NALF1: variants seen among roughly 807,000 people sequenced by gnomAD.
NALF1 encodes family with sequence similarity 155 member A.
In NALF1, 3 loss-of-function variants were observed where a neutral mutation model predicts 48.4. The ratio of observed to expected loss-of-function variants is 0.06; its 90% CI spans 0.03 to 0.16. The LOEUF (loss-of-function observed/expected upper bound fraction) is 0.16. Ranked by LOEUF, NALF1 falls within the 10% of genes least tolerant of loss-of-function variation. The probability of loss-of-function intolerance (pLI) is 1.00; values close to 1 mark genes in which losing one functional copy is unlikely to be tolerated. For missense variants in NALF1, 526 were observed against 571.5 expected, an observed-to-expected ratio of 0.92 and a Z score of 0.81; for synonymous variants, 262 against 245.7, an observed-to-expected ratio of 1.07 and a Z score of -0.62.
chr13:107,424,296 C>G (rs1323809122), intron 1 of NALF1, among the ~76,000 whole-genome samples: 1 of 152,126 alleles, frequency 6.6e-6, no homozygotes, highest in Non-Finnish European at 1.5e-5. Context: ...CACCACCATG[C>G]CTGGCTAATC....
chr13:107,565,051 A>AG (rs1877755922), intron 1 of NALF1, among the ~76,000 whole-genome samples: 1 of 92,290 alleles, frequency 1.1e-5, no homozygotes. Flanking sequence ...GTAGGAAACA[A>AG]GGGGTGATAT....
At chr13:107,732,817 T>C (rs1876350611) in intron 1 of NALF1, among the ~76,000 whole-genome samples, 1 of 152,172 alleles carries the variant, frequency 6.6e-6, no homozygotes, top group Non-Finnish European at 1.5e-5. Context: ...ACATAATATA[T>C]GCAACAGGTC....
intron 1 of NALF1, among the ~76,000 whole-genome samples, chr13:107,418,135 T>A (rs1884124832): frequency 6.6e-6 from 1 of 152,206 alleles, no homozygotes; most frequent in African/African-American, 2.4e-5. Flanking sequence ...TGGTACTATT[T>A]GTTCTCTACG....
chr13:107,813,658 C>A (rs895604855), intron 1 of NALF1, among the ~76,000 whole-genome samples: 5 of 148,130 alleles, frequency 3.4e-5, no homozygotes, highest in African/African-American at 2.5e-5. Context: ...TAGCAAAGTG[C>A]ATAAAGAAGA....
intron 1 of NALF1, among the ~76,000 whole-genome samples, chr13:107,715,101 A>G (rs551177868): frequency 6.6e-6 from 1 of 152,324 alleles, no homozygotes; most frequent in East Asian, 1.9e-4. Context: ...ACATCAGGAT[A>G]ATCGGCATTT....
At chr13:107,637,841 G>A (rs938225715) in intron 1 of NALF1, among the ~76,000 whole-genome samples, 1 of 152,032 alleles carries the variant, frequency 6.6e-6, no homozygotes, top group Admixed American at 6.6e-5. Context: ...TGTTACATGG[G>A]ATCCAAAGGA....
chr13:107,495,162 A>G (rs1875287420), intron 1 of NALF1, among the ~76,000 whole-genome samples: 2 of 152,354 alleles, frequency 1.3e-5, no homozygotes, highest in South Asian at 4.1e-4. Flanking sequence ...TTTGAACAAA[A>G]GGGAAAATTT....
At chr13:107,346,204 T>C (rs760308451) in intron 1 of NALF1, among the ~76,000 whole-genome samples, 44 of 152,196 alleles carry the variant, frequency 2.9e-4, no homozygotes, top group South Asian at 8.3e-4. Flanking sequence ...ATAGCTATTA[T>C]GGAAAACAGC....
intron 1 of NALF1, among the ~76,000 whole-genome samples, chr13:107,802,160 T>A (rs963062709): frequency 2.0e-5 from 3 of 152,180 alleles, no homozygotes; most frequent in Non-Finnish European, 4.4e-5. Context: ...TAAACCATCA[T>A]TTGTTTGTGT....
intron 1 of NALF1, among the ~76,000 whole-genome samples, chr13:107,757,070 A>G (rs1220809220): frequency 6.6e-6 from 1 of 152,256 alleles, no homozygotes; most frequent in Admixed American, 6.5e-5. Context: ...TTGTGTTAAC[A>G]CATACAAACC....
At chr13:107,751,198 G>C (rs939610424) in intron 1 of NALF1, among the ~76,000 whole-genome samples, 1 of 152,102 alleles carries the variant, frequency 6.6e-6, no homozygotes, top group African/African-American at 2.4e-5. Context: ...TTTTGGAGTG[G>C]GTAAATTATC....
At chr13:107,354,568 C>T (rs756179127) in intron 1 of NALF1, among the ~76,000 whole-genome samples, 2 of 152,074 alleles carry the variant, frequency 1.3e-5, no homozygotes, top group Non-Finnish European at 2.9e-5. Flanking sequence ...GGTCCGCCCC[C>T]GAACAATAGG....
chr13:107,821,968 C>T (rs73587784), intron 1 of NALF1, among the ~76,000 whole-genome samples: 4,048 of 151,368 alleles, frequency 0.027, 221 homozygotes, highest in African/African-American at 0.095. Flanking sequence ...AAAATTACAA[C>T]AGATGTGGAC....
intron 1 of NALF1, among the ~76,000 whole-genome samples, chr13:107,604,982 G>A (rs1404289681): frequency 6.6e-6 from 1 of 152,128 alleles, no homozygotes; most frequent in African/African-American, 2.4e-5. Flanking sequence ...TTACAAGAAA[G>A]TATACTCCAA....
intron 1 of NALF1, among the ~76,000 whole-genome samples, chr13:107,381,266 T>C (rs1177197602): frequency 1.3e-5 from 2 of 150,470 alleles, no homozygotes; most frequent in South Asian, 2.1e-4. Context: ...AGTGGCATGG[T>C]CATAGCTCAC....
intron 1 of NALF1, among the ~76,000 whole-genome samples, chr13:107,244,447 T>A (rs1880538604): frequency 6.6e-6 from 1 of 152,244 alleles, no homozygotes; most frequent in African/African-American, 2.4e-5. Flanking sequence ...TGTTTTCGTC[T>A]GAAAGACAAG....
intron 1 of NALF1, among the ~76,000 whole-genome samples, chr13:107,673,110 A>AT (rs1345345538): frequency 3.3e-5 from 5 of 152,102 alleles, no homozygotes; most frequent in Non-Finnish European, 7.4e-5. Flanking sequence ...TCCTTTCTGT[A>AT]TGGGTGCGGC....
chr13:107,838,524 A>C (rs1879964566), intron 1 of NALF1, among the ~76,000 whole-genome samples: 1 of 152,152 alleles, frequency 6.6e-6, no homozygotes, highest in Non-Finnish European at 1.5e-5. Context: ...AAGGCATTTC[A>C]AATTGTGTCG....
At chr13:107,316,050 C>G (rs1882143119) in intron 1 of NALF1, among the ~76,000 whole-genome samples, 1 of 151,906 alleles carries the variant, frequency 6.6e-6, no homozygotes, top group Admixed American at 6.6e-5. Context: ...CTCCCCTCTT[C>G]CCCCACCCCA....
Sources: gnomAD v4.1 joint callset for allele counts (sites outside exome capture counted in the v4.1 genomes callset) on GRCh38, gnomAD v4.1.1 for gene constraint, MANE v1.5 for transcripts, NCBI Gene and HGNC (gene_info 2026-07-23, HGNC 2026-07-21) for gene names.